BMPR2: variants seen among roughly 807,000 people sequenced by gnomAD.
The protein encoded by BMPR2 is bone morphogenetic protein receptor type-2.
BMPR2 carries 29 observed loss-of-function variants against 100.8 expected under a neutral mutation model. That is an observed-to-expected ratio of 0.29 (90% CI 0.21 to 0.39). BMPR2 has a LOEUF of 0.39. Ranked by LOEUF, BMPR2 falls within the 10% of genes least tolerant of loss-of-function variation. BMPR2 has a pLI of 1.00. For missense variants in BMPR2, 1,011 were observed against 1,274.5 expected (o/e 0.79, Z 3.15); for synonymous variants, 382 against 442.3 (o/e 0.86, Z 1.71).
intron 10 of BMPR2, among the ~76,000 whole-genome samples, chr2:202,549,949 A>G (rs1311983410): frequency 6.6e-6 from 1 of 152,012 alleles, no homozygotes; most frequent in Non-Finnish European, 1.5e-5. Context: ...TGTATCACCC[A>G]GGCTGGAGTA....
chr2:202,471,893 G>T lies in BMPR2; in HGVS notation c.418+4204G>T, dbSNP rs971243231. ...GAATAAAGGACCATGATTCTACTGT[G>T]TATTGGTTCAAAAAAAGATTGTGTG... On this transcript the variant is annotated intron_variant, in intron 3 of 12. Coordinates refer to ENST00000374580, the MANE Select transcript of BMPR2 (RefSeq NM_001204.7). 2.0e-5 allele frequency among the ~76,000 whole-genome samples: 3 copies of T among 151,222 alleles called. No individual in the cohort carries two copies. The South Asian group carries it at 6.3e-4, about 32-fold the overall frequency.
At chr2:202,536,870 CAAAAAAAAAA>C (rs34999694) in intron 9 of BMPR2, among the ~76,000 whole-genome samples, 1 of 84,286 alleles carries the variant, frequency 1.2e-5, no homozygotes, top group African/African-American at 4.3e-5. Context: ...AACTCGGTCT[CAAAAAAAAAA>C]AAAAAAAAAA....
At chr2:202,494,006 C>T (rs111444117) in intron 3 of BMPR2, among the ~76,000 whole-genome samples, 5 of 152,034 alleles carry the variant, frequency 3.3e-5, no homozygotes, top group African/African-American at 1.2e-4. Flanking sequence ...GAAATCTGCC[C>T]CCTCTCAATT....
chr2:202,409,685 T>C (rs548004947), intron 1 of BMPR2, among the ~76,000 whole-genome samples: 1 of 152,304 alleles, frequency 6.6e-6, no homozygotes, highest in South Asian at 2.1e-4. Flanking sequence ...CTAATTGTAT[T>C]ATAAATGGAT....
At chr2:202,522,184 A>G (rs1341640740) in intron 7 of BMPR2, among the ~76,000 whole-genome samples, 6 of 150,862 alleles carry the variant, frequency 4.0e-5, no homozygotes, top group African/African-American at 1.2e-4. Flanking sequence ...CGAAAGAAAA[A>G]GAACTTCAAG....
At chr2:202,404,349 A>G (rs978720878) in intron 1 of BMPR2, among the ~76,000 whole-genome samples, 4 of 151,838 alleles carry the variant, frequency 2.6e-5, no homozygotes, top group Non-Finnish European at 4.4e-5. Context: ...GCACCACTGC[A>G]CCCGGCTAAT....
rs763671015 is a variant in BMPR2, at chr2:202,467,491, C to T, written c.248-28C>T. On this transcript the variant is annotated intron_variant, in intron 2 of 12. Coordinates refer to ENST00000374580, the MANE Select transcript of BMPR2 (RefSeq NM_001204.7). ...CTTAGTTTTCTTTATCATATTGTCT[C>T]CTTTTTTGTATTCATATTGATTTAT... 9 of 1,524,446 alleles carry T rather than the reference C, an allele frequency of 5.9e-6. No homozygotes were observed. The East Asian group carries it at 1.8e-4, about 31-fold the overall frequency. The allele number at this position is 1,524,446 out of a possible 1,614,324, so 94.4% of individuals were successfully genotyped here.
chr2:202,402,449 G>A (rs545658662), intron 1 of BMPR2, among the ~76,000 whole-genome samples: 4 of 151,980 alleles, frequency 2.6e-5, no homozygotes, highest in Non-Finnish European at 4.4e-5. Context: ...CCCAGGAGGC[G>A]GAGGTTGCAG....
rs1688677393 is a variant in BMPR2 at position 202,561,422 on chromosome 2, C to T, written c.*1476C>T. On this transcript the variant is annotated 3_prime_UTR_variant, in exon 13 of 13. Coordinates refer to ENST00000374580, the MANE Select transcript of BMPR2 (RefSeq NM_001204.7). Reference sequence around the variant, plus strand: ...TAAAAGCCCTTTGCTTCTTTCATTACTTATAATCTCCTCTAAAACAACCTC... The same window carrying T: ...TAAAAGCCCTTTGCTTCTTTCATTATTTATAATCTCCTCTAAAACAACCTC... The T allele has an allele frequency of 6.6e-6, 1 of 152,040 alleles. No homozygotes were observed. The highest frequency in any genetic ancestry group is 2.4e-5 in the African/African-American group (1 of 41,424). The allele number at this position is 152,040 out of a possible 1,614,324, so 9.4% of individuals were successfully genotyped here.
chr2:202,524,061 G>A (rs963057305), intron 7 of BMPR2, among the ~76,000 whole-genome samples: 1 of 151,462 alleles, frequency 6.6e-6, no homozygotes, highest in Non-Finnish European at 1.5e-5. Flanking sequence ...GAGGGGCAAG[G>A]GCTAAAAACT....
In BMPR2 at chr2:202,376,547, CA is replaced by C. The variant is rs1435169229; in HGVS notation, c.-927del. 5.0e-5 allele frequency among the ~76,000 whole-genome samples: 7 copies of C among 141,312 alleles called. No homozygotes were observed. The highest frequency in any genetic ancestry group is 3.2e-3 in the Middle Eastern group (1 of 310). The allele number at this position is 141,312 out of a possible 152,430, so 92.7% of individuals were successfully genotyped here. On this transcript the variant is annotated 5_prime_UTR_variant, in exon 1 of 13. Coordinates refer to ENST00000374580, the MANE Select transcript of BMPR2 (RefSeq NM_001204.7). ...GCGGCGGCGGCGGCGGCGGCGGCGG[CA>C]GCAGCAGCGGCTTCCTCGGGGGGTT...
intron 1 of BMPR2, among the ~76,000 whole-genome samples, chr2:202,458,428 C>CCA (rs1692165409): frequency 6.6e-6 from 1 of 151,872 alleles, no homozygotes; most frequent in Non-Finnish European, 1.5e-5. Context: ...CAAGGTTGTG[C>CCA]CACTGCACTC....
intron 1 of BMPR2, among the ~76,000 whole-genome samples, chr2:202,429,708 G>T (rs920958930): frequency 6.6e-6 from 1 of 152,092 alleles, no homozygotes; most frequent in Non-Finnish European, 1.5e-5. Context: ...ACATGACTGG[G>T]GAGGCCTCAG....
In BMPR2 at chr2:202,555,886, C is replaced by G; in HGVS notation, c.2221C>G (p.Gln741Glu). ...ACLIPDVLPT[Q>E]IYPLPKQQNL... The stretch of plus-strand genomic sequence containing the variant: ...TTTGATTCCTGATGTTCTGCCTACT[C>G]AGATCTATCCTCTCCCCAAGCAGCA... The change falls in exon 12 of 13, where the codon CAG becomes GAG. Residue 741 changes from glutamine (Q) to glutamate (E), a missense_variant. Physicochemically the swap from Gln to Glu is conservative, Grantham distance 29. Coordinates refer to ENST00000374580, the MANE Select transcript of BMPR2 (RefSeq NM_001204.7). 6.2e-7 allele frequency: 1 copy of G among 1,614,176 alleles called. No homozygotes were observed. Among genetic ancestry groups the G allele is most frequent in the Non-Finnish European group, 8.5e-7 (1 of 1,180,040 alleles).
rs529828698 is a variant in BMPR2 at position 202,377,155 on chromosome 2, T to G, written c.-320T>G. The G allele has an allele frequency of 8.5e-6, 5 of 587,254 alleles. No individual in the cohort carries two copies. Among genetic ancestry groups the G allele is most frequent in the Non-Finnish European group, 1.5e-5 (5 of 330,220 alleles). 36.4% of individuals were successfully genotyped at this position (587,254 alleles called of 1,614,324 possible). A position where few individuals can be genotyped will look rare whatever the true frequency, so the allele number is the denominator to read the frequency against. On this transcript the variant is annotated 5_prime_UTR_variant, in exon 1 of 13. Transcript: ENST00000374580. ...GGATATTTTTTTGATATCGTGAAAC[T>G]ACGAGGGAAATAATTTGGGGGATTT...
chr2:202,554,758 C>G (rs1688533500), intron 11 of BMPR2, among the ~76,000 whole-genome samples: 1 of 152,136 alleles, frequency 6.6e-6, no homozygotes, highest in Admixed American at 6.6e-5. Flanking sequence ...TTAATGGAGG[C>G]CTTTGGAACA....
intron 1 of BMPR2, among the ~76,000 whole-genome samples, chr2:202,402,538 CAAAA>C (rs1305649544): frequency 2.6e-5 from 4 of 151,858 alleles, no homozygotes; most frequent in South Asian, 2.1e-4. Flanking sequence ...AACAAACAAA[CAAAA>C]GAAAGAATTA....
chr2:202,519,910 C>G (rs1402670383), intron 6 of BMPR2, among the ~76,000 whole-genome samples, 177 bp from the exon 7 acceptor site: 6 of 152,122 alleles, frequency 3.9e-5, no homozygotes, highest in African/African-American at 7.2e-5. Flanking sequence ...TTCCTCTCCT[C>G]TCTACACACA....
At chr2:202,475,261 T>G (rs532541117) in intron 3 of BMPR2, 98 of 152,224 alleles carry the variant, frequency 6.4e-4, no homozygotes, top group Admixed American at 6.3e-3. Flanking sequence ...CTCGAACTCC[T>G]GACCTCAGGT....
Sources: gnomAD v4.1 joint callset for allele counts (sites outside exome capture counted in the v4.1 genomes callset) on GRCh38, gnomAD v4.1.1 for gene constraint, MANE v1.5 for transcripts, NCBI Gene and HGNC (gene_info 2026-07-23, HGNC 2026-07-21) for gene names.